Variants in TANC1 observed in about 807,000 individuals in gnomAD.
TANC1 encodes protein TANC1.
TANC1 carries 77 observed loss-of-function variants against 149.7 expected under a neutral mutation model. That is an observed-to-expected ratio of 0.51 (90% CI 0.43 to 0.62). The LOEUF is 0.62. Ranked by LOEUF, TANC1 falls within the 20% of genes least tolerant of loss-of-function variation. TANC1 has a pLI of 0.00. For synonymous variants in TANC1, 854 were observed against 925.0 expected (o/e 0.92, Z 1.39); for missense variants, 1,985 against 2,321.8 (o/e 0.85, Z 2.98).
At chr2:159,108,655 C>A (rs533643991) in intron 4 of TANC1, among the ~76,000 whole-genome samples, 1 of 152,150 alleles carries the variant, frequency 6.6e-6, no homozygotes, top group Non-Finnish European at 1.5e-5. Context: ...TATTCCAGCT[C>A]GACTCATCAG....
chr2:159,099,159 T>C (rs1358732124), intron 4 of TANC1, among the ~76,000 whole-genome samples: 2 of 152,258 alleles, frequency 1.3e-5, no homozygotes, highest in African/African-American at 4.8e-5. Context: ...TGCAGAATTT[T>C]CTGGTTTAGG....
chr2:159,030,410 A>G (rs1051083307), intron 2 of TANC1, among the ~76,000 whole-genome samples: 1 of 152,220 alleles, frequency 6.6e-6, no homozygotes, highest in Non-Finnish European at 1.5e-5. Flanking sequence ...TCTTTAAAGT[A>G]TATTGATAAA....
intron 1 of TANC1, among the ~76,000 whole-genome samples, chr2:158,983,356 A>G (rs1469273717): frequency 6.6e-6 from 1 of 151,282 alleles, no homozygotes; most frequent in East Asian, 2.0e-4. Flanking sequence ...AGTCCCAGCT[A>G]CTCGGGAGGC....
chr2:159,080,216 C>T (rs1433818693), intron 3 of TANC1, among the ~76,000 whole-genome samples: 2 of 152,234 alleles, frequency 1.3e-5, no homozygotes, highest in Non-Finnish European at 2.9e-5. Flanking sequence ...TACCCCACCT[C>T]TTGTATTTTG....
rs1183177638 is a variant in TANC1 at position 159,028,466 on chromosome 2, C to T, written c.-16+27277C>T. ...TCTCTTGTGTGTAGACAAAATGAAA[C>T]AGTAGAAAGGACAAGAACTTTGAAG... On this transcript the variant is annotated intron_variant, in intron 2 of 26. Transcript: ENST00000263635. 2.0e-5 allele frequency among the ~76,000 whole-genome samples: 3 copies of T among 152,146 alleles called. No homozygotes were observed. The East Asian group carries it at 5.8e-4, about 29-fold the overall frequency.
At chr2:159,136,893 G>C (rs1273156081) in intron 5 of TANC1, among the ~76,000 whole-genome samples, 1 of 151,628 alleles carries the variant, frequency 6.6e-6, no homozygotes, top group African/African-American at 2.4e-5. Flanking sequence ...CAAATTTGCA[G>C]CATTTAACAG....
intron 4 of TANC1, 145 bp from the exon 5 acceptor site, chr2:159,136,049 T>TGTGTGTGTGTGTGTGTGTGCGA: frequency 2.2e-5 from 2 of 90,882 alleles, no homozygotes; most frequent in Non-Finnish European, 2.1e-5. Context: ...TGTGTGTGTG[T>TGTGTGTGTGTGTGTGTGTGCGA]GCGCGCGCGC....
At chr2:159,007,180 C>G (rs1005603251) in intron 2 of TANC1, among the ~76,000 whole-genome samples, 42 of 78,440 alleles carry the variant, frequency 5.4e-4, no homozygotes, top group Admixed American at 2.1e-3. Flanking sequence ...GAGTTTTGCT[C>G]TTGTTGCCCA....
chr2:159,229,736 A>G lies in TANC1; in HGVS notation c.4310A>G (p.Asn1437Ser), dbSNP rs746871570. 6 of 1,613,908 alleles carry G rather than the reference A, an allele frequency of 3.7e-6. No individual in the cohort carries two copies. In the South Asian group the frequency reaches 5.5e-5, roughly 15 times the overall value. The change falls in exon 27 of 27, where the codon AAC becomes AGC. Residue 1437 changes from asparagine (N) to serine (S), a missense_variant. Around this residue, in one of 3 missense-constraint regions of TANC1, gnomAD observed 920 missense variants for 994.7 expected, o/e 0.92. Coordinates refer to ENST00000263635, the MANE Select transcript of TANC1 (RefSeq NM_033394.3). The part of the protein sequence containing the change: ...KQQGPLPAPL[N>S]DSENEEDTPT... ...CAGGGCCCGCTACCAGCTCCACTCA[A>G]CGACTCCGAGAACGAAGAGGACACC...
intron 5 of TANC1, chr2:159,148,717 C>T (rs922565071): frequency 1.3e-5 from 2 of 153,036 alleles, no homozygotes; most frequent in African/African-American, 4.8e-5. Flanking sequence ...TTTACTCCAA[C>T]ACCTAAATAG....
At chr2:158,983,299 C>G (rs1048188769) in intron 1 of TANC1, among the ~76,000 whole-genome samples, 1 of 151,824 alleles carries the variant, frequency 6.6e-6, no homozygotes, top group Non-Finnish European at 1.5e-5. Context: ...AACCCCGTCT[C>G]TACTAAAAAT....
intron 2 of TANC1, among the ~76,000 whole-genome samples, chr2:159,058,600 T>C (rs1172394299): frequency 6.6e-6 from 1 of 152,194 alleles, no homozygotes; most frequent in Non-Finnish European, 1.5e-5. Context: ...AGAAAACATA[T>C]CTTTTGACCA....
chr2:159,129,626 AACTT>A (rs956164015), intron 4 of TANC1, among the ~76,000 whole-genome samples: 8 of 149,456 alleles, frequency 5.4e-5, no homozygotes, highest in Middle Eastern at 3.2e-3. Context: ...ATGGCTGTGT[AACTT>A]ACTTTTGGCA....
chr2:159,180,494 A>G (rs546117033), intron 14 of TANC1, among the ~76,000 whole-genome samples: 7 of 152,306 alleles, frequency 4.6e-5, no homozygotes, highest in Admixed American at 1.3e-4. Flanking sequence ...CATTGAGGTT[A>G]TGTAGCCTAG....
intron 2 of TANC1, among the ~76,000 whole-genome samples, chr2:159,063,482 CTG>C (rs1200377428): frequency 1.3e-5 from 2 of 152,132 alleles, no homozygotes; most frequent in Admixed American, 6.5e-5. Flanking sequence ...CCACTCTGAT[CTG>C]TGTTAGTTTC....
intron 4 of TANC1, among the ~76,000 whole-genome samples, chr2:159,107,680 G>C (rs2047324759): frequency 6.6e-6 from 1 of 152,114 alleles, no homozygotes; most frequent in African/African-American, 2.4e-5. Flanking sequence ...TTCCCCCATT[G>C]CTCATCCTCT....
chr2:159,153,045 T>C (rs1226451605), intron 7 of TANC1, among the ~76,000 whole-genome samples: 5 of 152,172 alleles, frequency 3.3e-5, no homozygotes, highest in African/African-American at 1.2e-4. Context: ...TATTTGTTCT[T>C]GTTTTGTTAT....
At chr2:159,217,862 C>A (rs1047740865) in intron 20 of TANC1, among the ~76,000 whole-genome samples, 1 of 152,206 alleles carries the variant, frequency 6.6e-6, no homozygotes, top group African/African-American at 2.4e-5. Flanking sequence ...AGGTCAGAGA[C>A]ACAGCCACTG....
In TANC1 at chr2:159,128,543, C is replaced by A. The variant is rs76763991; in HGVS notation, c.260-7651C>A. 2.2e-3 allele frequency among the ~76,000 whole-genome samples: 342 copies of A among 152,320 alleles called. 2 individuals are homozygous for A. Among genetic ancestry groups the A allele is most frequent in the Non-Finnish European group, 3.6e-3 (248 of 68,038 alleles). On this transcript the variant is annotated intron_variant, in intron 4 of 26. Transcript: ENST00000263635. ...TGGTCAGTTCATTTTCTGTCTCCTTCCCCCAAGGTGAATCTTCCCAAGAGG... is the reference window on the plus strand; with the variant it reads ...TGGTCAGTTCATTTTCTGTCTCCTTACCCCAAGGTGAATCTTCCCAAGAGG...
Sources: gnomAD v4.1 joint callset for allele counts (sites outside exome capture counted in the v4.1 genomes callset) on GRCh38, gnomAD v4.1.1 for gene constraint, gnomAD v4.1.1 regional missense constraint, MANE v1.5 for transcripts, NCBI Gene and HGNC (gene_info 2026-07-23, HGNC 2026-07-21) for gene names.